The following RNF168 variants were observed in gnomAD, a reference collection of about 807,000 sequenced individuals.
The protein encoded by RNF168 is ring finger protein 168.
RNF168 carries 34 observed loss-of-function variants against 34.9 expected under a neutral mutation model. The ratio of observed to expected loss-of-function variants is 0.97; its 90% CI spans 0.74 to 1.30. The LOEUF is 1.30. RNF168 is among the 50% of genes most tolerant of loss of function. The probability of loss-of-function intolerance (pLI) is 0.00; values close to 1 mark genes in which losing one functional copy is unlikely to be tolerated. For missense variants in RNF168, 725 were observed against 682.5 expected (o/e 1.06, Z -0.69); for synonymous variants, 264 against 254.7 (o/e 1.04, Z -0.35).
intron 4 of RNF168, among the ~76,000 whole-genome samples, chr3:196,482,960 A>G (rs973712467): frequency 6.6e-6 from 1 of 152,116 alleles, no homozygotes; most frequent in Non-Finnish European, 1.5e-5. Context: ...TTCAAAGTAT[A>G]TATTTAGATA....
At chr3:196,474,395 G>A (rs1486052936) in intron 5 of RNF168, among the ~76,000 whole-genome samples, 1 of 150,366 alleles carries the variant, frequency 6.7e-6, no homozygotes, top group African/African-American at 2.5e-5. Flanking sequence ...CTCTCAAAGT[G>A]CTAGGATTAC....
Position 196,503,098 on chromosome 3 carries a change from G to A in RNF168, c.76C>T (p.Pro26Ser). The change falls in exon 1 of 6, where the codon CCC (proline) becomes TCC (serine). Residue 26 changes from proline to serine, a missense_variant. Pro to Ser is a moderately conservative substitution (Grantham distance 74). Transcript: ENST00000318037. Reference sequence around the variant, plus strand: ...GTGTGGTTACACGGGAGGGTGACGGGCTCCACGAGGATTTCCATGCAGATC... The same window carrying A: ...GTGTGGTTACACGGGAGGGTGACGGACTCCACGAGGATTTCCATGCAGATC... ...CGICMEILVE[P>S]VTLPCNHTLC... 6.2e-7 allele frequency: 1 copy of A among 1,614,136 alleles called. No homozygotes were observed. The highest frequency in any genetic ancestry group is 8.5e-7 in the Non-Finnish European group (1 of 1,179,984).
intron 5 of RNF168, among the ~76,000 whole-genome samples, chr3:196,474,469 CAG>C (rs1168544288): frequency 1.7e-5 from 2 of 116,788 alleles, no homozygotes; most frequent in African/African-American, 6.8e-5. Flanking sequence ...TTTTTTGAAA[CAG>C]AGTTTCACTC....
intron 4 of RNF168, among the ~76,000 whole-genome samples, chr3:196,481,439 G>GAA (rs774430018): frequency 1.5e-5 from 2 of 137,128 alleles, no homozygotes. Context: ...AGACTGTCTG[G>GAA]AAAAAAAAAA....
intron 3 of RNF168, 94 bp from the exon 4 acceptor site, chr3:196,483,985 T>C (rs912111266): frequency 5.3e-6 from 5 of 943,106 alleles, no homozygotes; most frequent in South Asian, 4.0e-5. Flanking sequence ...TCCATAGCAT[T>C]TTTCAGAAAT....
chr3:196,484,470 G>A (rs1333378590), intron 3 of RNF168, among the ~76,000 whole-genome samples: 2 of 128,292 alleles, frequency 1.6e-5, no homozygotes, highest in Non-Finnish European at 3.2e-5. Context: ...CACCGCGCCC[G>A]GCCTTTTTTT....
At chr3:196,479,451 C>T (rs78737378) in intron 4 of RNF168, among the ~76,000 whole-genome samples, 6,772 of 152,048 alleles carry the variant, frequency 0.045, 472 homozygotes, top group African/African-American at 0.15. Context: ...ACCACAGGCA[C>T]ACCACGCCCG....
At position 196,503,232 on chromosome 3, in the gene RNF168, T is replaced by G. The variant is rs11552801; in HGVS notation, c.-59A>C. 109 of 1,502,864 alleles carry G rather than the reference T, an allele frequency of 7.3e-5. 1 individual carries two copies. The highest frequency in any genetic ancestry group is 9.2e-5 in the Non-Finnish European group (99 of 1,080,906). The allele number at this position is 1,502,864 out of a possible 1,614,324, so 93.1% of individuals were successfully genotyped here. Reference sequence around the variant, plus strand: ...CACCTGCACGAAAAAGAATCCTATTTTCGGCCAACCACAGAGAGAGCAAAA... The same window carrying G: ...CACCTGCACGAAAAAGAATCCTATTGTCGGCCAACCACAGAGAGAGCAAAA... On this transcript the variant is annotated 5_prime_UTR_variant, in exon 1 of 6. Transcript: ENST00000318037.
chr3:196,486,807 C>T (rs544578321), intron 3 of RNF168, among the ~76,000 whole-genome samples: 6 of 152,316 alleles, frequency 3.9e-5, no homozygotes, highest in East Asian at 3.9e-4. Context: ...CGGTGGCTCA[C>T]GCCACAAACC....
intron 5 of RNF168, 43 bp downstream of exon 5, chr3:196,475,188 T>C (rs1732114635): frequency 9.0e-7 from 1 of 1,110,836 alleles, no homozygotes; most frequent in Non-Finnish European, 1.4e-6. Flanking sequence ...TCTACAGCAT[T>C]AATGAACCAG....
At position 196,471,397 on chromosome 3, in the gene RNF168, T is replaced by G. The variant is rs1732002833; in HGVS notation, c.*422A>C. 6.1e-6 allele frequency: 1 copy of G among 164,656 alleles called. No homozygotes were observed. The highest frequency in any genetic ancestry group is 1.3e-5 in the Non-Finnish European group (1 of 75,710). 10.2% of individuals were successfully genotyped at this position (164,656 alleles called of 1,614,324 possible). On this transcript the variant is annotated 3_prime_UTR_variant, in exon 6 of 6. Coordinates refer to ENST00000318037, the MANE Select transcript of RNF168 (RefSeq NM_152617.4). ...TGAGTACTCTGTAAACATTGGACAA[T>G]AGCAAGAAAATGGATTTTAAACCCT...
chr3:196,503,246 G>A lies in RNF168; in HGVS notation c.-73C>T. The A allele has an allele frequency of 7.3e-7, 1 of 1,372,346 alleles. No individual in the cohort carries two copies. Among genetic ancestry groups the A allele is most frequent in the Non-Finnish European group, 1.0e-6 (1 of 966,578 alleles). 85.0% of individuals were successfully genotyped at this position (1,372,346 alleles called of 1,614,324 possible). A position where few individuals can be genotyped will look rare whatever the true frequency, so the allele number is the denominator to read the frequency against. Reference sequence around the variant, plus strand: ...AGAATCCTATTTTCGGCCAACCACAGAGAGAGCAAAAGCAGTTTTGTGTTT... The same window carrying A: ...AGAATCCTATTTTCGGCCAACCACAAAGAGAGCAAAAGCAGTTTTGTGTTT... On this transcript the variant is annotated 5_prime_UTR_variant, in exon 1 of 6. Coordinates refer to ENST00000318037, the MANE Select transcript of RNF168 (RefSeq NM_152617.4).
In RNF168 at chr3:196,503,288, A is replaced by G; in HGVS notation, c.-115T>C. On this transcript the variant is annotated 5_prime_UTR_variant, in exon 1 of 6. Coordinates refer to ENST00000318037, the MANE Select transcript of RNF168 (RefSeq NM_152617.4). ...TTTGTGTTTCAGTATTATGCCCAGA[A>G]GCGTATCAGAATTCGGAGAACAGGA... 1 of 903,046 alleles carries G rather than the reference A, an allele frequency of 1.1e-6. No homozygotes were observed. Among genetic ancestry groups the G allele is most frequent in the East Asian group, 2.6e-5 (1 of 38,336 alleles). 55.9% of individuals were successfully genotyped at this position (903,046 alleles called of 1,614,324 possible). A position where few individuals can be genotyped will look rare whatever the true frequency, so the allele number is the denominator to read the frequency against.
chr3:196,480,637 G>A lies in RNF168; in HGVS notation c.680+3133C>T, dbSNP rs368558199. On this transcript the variant is annotated intron_variant, in intron 4 of 5. Transcript: ENST00000318037. ...TTTAATATAATACAATTTTCTCCAC[G>A]GGTCGTACAGATTTTTATTTTTCTG... 9.2e-5 allele frequency among the ~76,000 whole-genome samples: 14 copies of A among 151,924 alleles called. No homozygotes were observed. The East Asian group carries it at 2.1e-3, about 23-fold the overall frequency.
chr3:196,479,869 C>T (rs1047672111), intron 4 of RNF168, among the ~76,000 whole-genome samples: 30 of 152,158 alleles, frequency 2.0e-4, no homozygotes, highest in East Asian at 1.9e-4. Context: ...TAGGATTACA[C>T]GCATAAGCTA....
rs750916960 is a variant in RNF168 at position 196,472,604 on chromosome 3, C to T, written c.931G>A (p.Glu311Lys). 6.2e-7 allele frequency: 1 copy of T among 1,614,074 alleles called. No individual in the cohort carries two copies. Among genetic ancestry groups the T allele is most frequent in the African/African-American group, 1.3e-5 (1 of 74,930 alleles). Residue 311 changes from glutamate (E) to lysine (K), a missense_variant, in exon 6 of 6, where the codon GAA (glutamate) becomes AAA (lysine). By Grantham distance (56) the Glu-to-Lys change is moderately conservative (BLOSUM62 1). Transcript: ENST00000318037. Reference sequence around the variant, plus strand: ...CTTGGTCTTGTTTTGACGTTTCCTTCATGGTACCATTCGGCACCACAGGCA... The same window carrying T: ...CTTGGTCTTGTTTTGACGTTTCCTTTATGGTACCATTCGGCACCACAGGCA... Reference protein sequence around the residue: ...LCACGAEWYHEGNVKTRPSNH... With the variant: ...LCACGAEWYHKGNVKTRPSNH...
Position 196,485,690 on chromosome 3 carries a change from T to C in RNF168, c.558+1709A>G, listed in dbSNP as rs73891256. Among the ~76,000 whole-genome samples the C allele has an allele frequency of 8.3e-3, 1,259 of 152,182 alleles. 18 individuals carry two copies. The highest frequency in any genetic ancestry group is 0.028 in the African/African-American group (1,174 of 41,488). On this transcript the variant is annotated intron_variant, in intron 3 of 5. Transcript: ENST00000318037. ...ATAAAAAGGGGCATATAACCCAAAA[T>C]TTGGGTACATTATTATTAATGGTAG...
chr3:196,503,194 G>T lies in RNF168; in HGVS notation c.-21C>A. 6.2e-7 allele frequency: 1 copy of T among 1,610,590 alleles called. No individual in the cohort carries two copies. Among genetic ancestry groups the T allele is most frequent in the Non-Finnish European group, 8.5e-7 (1 of 1,176,936 alleles). ...GCCATTTCAATATGTTAGTAAAGCC[G>T]ACTAAACAACGACACCTGCACGAAA... On this transcript the variant is annotated 5_prime_UTR_variant, in exon 1 of 6. Coordinates refer to ENST00000318037, the MANE Select transcript of RNF168 (RefSeq NM_152617.4).
chr3:196,476,404 A>G (rs1018372215), intron 4 of RNF168, among the ~76,000 whole-genome samples: 2 of 150,676 alleles, frequency 1.3e-5, no homozygotes, highest in Non-Finnish European at 3.0e-5. Context: ...ACATACTTTT[A>G]TATCAACTCT....
Sources: gnomAD v4.1 joint callset for allele counts (sites outside exome capture counted in the v4.1 genomes callset) on GRCh38, gnomAD v4.1.1 for gene constraint, MANE v1.5 for transcripts, NCBI Gene and HGNC (gene_info 2026-07-23, HGNC 2026-07-21) for gene names.